LAMA2: variants seen among roughly 807,000 people sequenced by gnomAD.
LAMA2 encodes the protein laminin subunit alpha 2, also known as laminin subunit alpha-2.
In LAMA2, 269 loss-of-function variants were observed where a neutral mutation model predicts 364.8. The ratio of observed to expected loss-of-function variants is 0.74; its 90% CI spans 0.67 to 0.82. The LOEUF is 0.82. Among genes scored for constraint, LAMA2 ranks in the 40% least tolerant of loss-of-function variants. The pLI, the probability that LAMA2 is intolerant of heterozygous loss-of-function variation, is 0.00. For synonymous variants in LAMA2, 1,379 were observed against 1,370.6 expected (o/e 1.01, Z -0.14); for missense variants, 3,807 against 3,873.2 (o/e 0.98, Z 0.45).
intron 1 of LAMA2, among the ~76,000 whole-genome samples, chr6:128,898,597 C>A (rs1776905366): frequency 6.6e-6 from 1 of 152,230 alleles, no homozygotes; most frequent in African/African-American, 2.4e-5. Context: ...TTTGCCTATG[C>A]AACTTCAGCA....
intron 1 of LAMA2, among the ~76,000 whole-genome samples, chr6:128,948,704 C>T (rs1379000359): frequency 1.3e-5 from 2 of 152,148 alleles, no homozygotes; most frequent in African/African-American, 4.8e-5. Flanking sequence ...GCACCATCCC[C>T]TTGGTGATAA....
intron 9 of LAMA2, among the ~76,000 whole-genome samples, chr6:129,169,277 T>G (rs28768378): frequency 4.9e-5 from 7 of 141,846 alleles, no homozygotes; most frequent in African/African-American, 2.1e-4. Context: ...TTGCCCATTC[T>G]GTATGATACT....
At chr6:129,207,867 A>G (rs1013287754) in intron 12 of LAMA2, among the ~76,000 whole-genome samples, 8 of 152,194 alleles carry the variant, frequency 5.3e-5, no homozygotes, top group African/African-American at 1.9e-4. Flanking sequence ...ATTCTTAGTA[A>G]TGTCTCAGAA....
At chr6:129,279,224 G>A (rs532978181) in intron 17 of LAMA2, among the ~76,000 whole-genome samples, 71 of 152,254 alleles carry the variant, frequency 4.7e-4, no homozygotes, top group African/African-American at 1.6e-3. Flanking sequence ...AGTCGAGAAC[G>A]CATTACCGTG....
At chr6:128,940,793 G>T (rs1780104873) in intron 1 of LAMA2, among the ~76,000 whole-genome samples, 1 of 151,996 alleles carries the variant, frequency 6.6e-6, no homozygotes, top group South Asian at 2.1e-4. Context: ...TACAAAAAAA[G>T]AAACAAAATT....
intron 2 of LAMA2, among the ~76,000 whole-genome samples, chr6:129,057,580 T>C (rs1284146815): frequency 2.0e-5 from 3 of 152,226 alleles, no homozygotes; most frequent in African/African-American, 7.2e-5. Context: ...TTCATATTTT[T>C]TCTCTGAAAA....
At chr6:129,481,464 G>A in intron 55 of LAMA2, 25 bp downstream of exon 55, 1 of 1,588,126 alleles carries the variant, frequency 6.3e-7, no homozygotes, top group Non-Finnish European at 8.6e-7. Context: ...AGCTGATAAT[G>A]CATTTTCCCT....
chr6:129,083,896 CA>C (rs961305700), intron 3 of LAMA2, among the ~76,000 whole-genome samples: 5 of 152,168 alleles, frequency 3.3e-5, no homozygotes, highest in African/African-American at 4.8e-5. Flanking sequence ...GTAATCCTCA[CA>C]ACTTTATGAA....
intron 42 of LAMA2, 126 bp from the exon 43 acceptor site, chr6:129,440,690 G>GTTCA (rs1401167810): frequency 1.2e-6 from 1 of 860,552 alleles, no homozygotes; most frequent in Non-Finnish European, 2.0e-6. Context: ...ATGAGACAAA[G>GTTCA]TTCAGCCTTT....
At chr6:129,345,724 CATTT>C (rs1446787978) in intron 30 of LAMA2, among the ~76,000 whole-genome samples, 1 of 151,906 alleles carries the variant, frequency 6.6e-6, no homozygotes, top group African/African-American at 2.4e-5. Flanking sequence ...TACACCATGC[CATTT>C]ATTTAATTTT....
At chr6:129,345,820 G>T (rs915700817) in intron 30 of LAMA2, among the ~76,000 whole-genome samples, 1 of 152,204 alleles carries the variant, frequency 6.6e-6, no homozygotes, top group African/African-American at 2.4e-5. Flanking sequence ...ACCATCTAAA[G>T]CTTGGGACGT....
At chr6:129,036,778 C>T (rs1786667588) in intron 1 of LAMA2, among the ~76,000 whole-genome samples, 1 of 152,156 alleles carries the variant, frequency 6.6e-6, no homozygotes, top group African/African-American at 2.4e-5. Flanking sequence ...AGAATACTTA[C>T]TCTCTTTGGT....
intron 1 of LAMA2, among the ~76,000 whole-genome samples, chr6:128,966,792 G>A (rs1472789323): frequency 6.6e-6 from 1 of 152,054 alleles, no homozygotes; most frequent in Non-Finnish European, 1.5e-5. Flanking sequence ...TTATTAAATG[G>A]TTATTCTTTA....
intron 1 of LAMA2, among the ~76,000 whole-genome samples, chr6:128,990,296 TATTG>T: frequency 6.6e-6 from 1 of 150,640 alleles, no homozygotes; most frequent in Admixed American, 6.6e-5. Flanking sequence ...TTATTTTAAT[TATTG>T]ATTATTTATG....
chr6:129,116,386 G>A (rs1437842916), intron 4 of LAMA2, among the ~76,000 whole-genome samples: 1 of 152,118 alleles, frequency 6.6e-6, no homozygotes, highest in African/African-American at 2.4e-5. Flanking sequence ...GACTCTCAGT[G>A]ATTTTGTTTG....
intron 3 of LAMA2, among the ~76,000 whole-genome samples, chr6:129,076,873 A>G (rs1436479985): frequency 6.6e-6 from 1 of 152,114 alleles, no homozygotes; most frequent in Non-Finnish European, 1.5e-5. Context: ...AATTAGCTGA[A>G]ACAATAAACA....
chr6:129,294,239 G>A (rs1307648683), intron 20 of LAMA2, among the ~76,000 whole-genome samples: 1 of 152,204 alleles, frequency 6.6e-6, no homozygotes. Flanking sequence ...TCCTGAATTG[G>A]TCAGGGAGGT....
intron 40 of LAMA2, among the ~76,000 whole-genome samples, chr6:129,404,974 A>G (rs1780169854): frequency 6.6e-6 from 1 of 152,196 alleles, no homozygotes; most frequent in South Asian, 2.1e-4. Context: ...CTCTTGAGTG[A>G]GCCCTACTAA....
intron 15 of LAMA2, among the ~76,000 whole-genome samples, chr6:129,264,986 T>A (rs1787406047): frequency 6.6e-6 from 1 of 152,100 alleles, no homozygotes; most frequent in Non-Finnish European, 1.5e-5. Context: ...AAGAGGACAG[T>A]TTTGTCATTT....
Sources: gnomAD v4.1 joint callset for allele counts (sites outside exome capture counted in the v4.1 genomes callset) on GRCh38, gnomAD v4.1.1 for gene constraint, MANE v1.5 for transcripts, NCBI Gene and HGNC (gene_info 2026-07-23, HGNC 2026-07-21) for gene names.